The following DCP1A variants were observed in gnomAD, a reference collection of about 807,000 sequenced individuals.
The protein encoded by DCP1A is mRNA-decapping enzyme 1A.
Under a neutral mutation model 58.0 loss-of-function variants are expected in DCP1A, and 20 were observed. The observed-to-expected ratio is 0.34, with a 90% confidence interval of 0.24 to 0.50. The LOEUF (loss-of-function observed/expected upper bound fraction) is 0.50, where lower values mean the gene tolerates loss of function less well. Ranked by LOEUF, DCP1A falls within the 20% of genes least tolerant of loss-of-function variation. The probability of loss-of-function intolerance (pLI) is 0.98; values close to 1 mark genes in which losing one functional copy is unlikely to be tolerated. For synonymous variants in DCP1A, 285 were observed against 275.1 expected (o/e 1.04, Z -0.36); for missense variants, 613 against 712.2 (o/e 0.86, Z 1.59).
chr3:53,284,482 A>C lies in DCP1A; in HGVS notation c.*3098T>G, dbSNP rs1553684845. ...TGCAAAATCTGGTTAGACATATACT[A>C]AACTAAGCCTGTGTGTCCCCCTGTA... On this transcript the variant is annotated 3_prime_UTR_variant, in exon 10 of 10. Transcript: ENST00000610213. The C allele has an allele frequency of 6.6e-6, 1 of 151,576 alleles. No homozygotes were observed. Among genetic ancestry groups the C allele is most frequent in the Non-Finnish European group, 1.5e-5 (1 of 68,010 alleles). The allele number at this position is 151,576 out of a possible 1,614,324, so 9.4% of individuals were successfully genotyped here.
intron 4 of DCP1A, among the ~76,000 whole-genome samples, chr3:53,313,419 CAA>C (rs201356913): frequency 2.3e-4 from 29 of 127,552 alleles, no homozygotes; most frequent in Admixed American, 4.0e-4. Flanking sequence ...ACCTTGACTC[CAA>C]AAAAAAAAAA....
intron 3 of DCP1A, among the ~76,000 whole-genome samples, chr3:53,325,930 G>A (rs1370130995): frequency 6.6e-6 from 1 of 152,168 alleles, no homozygotes. Context: ...AATTATCTTT[G>A]CAGCTTAACC....
At chr3:53,315,629 G>A (rs1053190180) in intron 4 of DCP1A, among the ~76,000 whole-genome samples, 5 of 150,524 alleles carry the variant, frequency 3.3e-5, no homozygotes, top group African/African-American at 4.9e-5. Context: ...TTTCAACTCT[G>A]CCACCACTGA....
At chr3:53,345,982 G>A (rs1185875181) in intron 1 of DCP1A, among the ~76,000 whole-genome samples, 1 of 152,088 alleles carries the variant, frequency 6.6e-6, no homozygotes, top group African/African-American at 2.4e-5. Flanking sequence ...ATAAACAGTA[G>A]CAGCTTATTT....
intron 3 of DCP1A, among the ~76,000 whole-genome samples, chr3:53,340,214 C>A (rs1416089310): frequency 1.3e-5 from 2 of 152,212 alleles, no homozygotes. Context: ...TGTTGAGCCA[C>A]TTTGCCCAGC....
intron 4 of DCP1A, 58 bp downstream of exon 4, chr3:53,319,349 G>C (rs1268271831): frequency 9.3e-7 from 1 of 1,080,172 alleles, no homozygotes. Flanking sequence ...GAAGTGGGAG[G>C]GGATTATTTT....
chr3:53,322,953 G>A (rs372560505), intron 3 of DCP1A, among the ~76,000 whole-genome samples: 3 of 151,422 alleles, frequency 2.0e-5, no homozygotes, highest in Non-Finnish European at 4.4e-5. Context: ...GATTACAGGC[G>A]CCCGGGGATT....
At chr3:53,309,875 A>G (rs1470081358) in intron 5 of DCP1A, among the ~76,000 whole-genome samples, 1 of 152,198 alleles carries the variant, frequency 6.6e-6, no homozygotes, top group East Asian at 1.9e-4. Flanking sequence ...AAATCCCAAC[A>G]CTGAGGCCTA....
At chr3:53,318,321 GTAAAA>G (rs1707870926) in intron 4 of DCP1A, among the ~76,000 whole-genome samples, 1 of 151,892 alleles carries the variant, frequency 6.6e-6, no homozygotes, top group East Asian at 1.9e-4. Context: ...ACCAAATAAA[GTAAAA>G]TAAAATAAAA....
intron 5 of DCP1A, among the ~76,000 whole-genome samples, chr3:53,306,883 A>AT (rs1167345522): frequency 2.2e-5 from 3 of 139,410 alleles, no homozygotes; most frequent in African/African-American, 5.3e-5. Context: ...TTCTTTTGCT[A>AT]TTTTTTTGTA....
intron 4 of DCP1A, among the ~76,000 whole-genome samples, chr3:53,317,754 A>C (rs1253983857): frequency 1.3e-5 from 2 of 152,232 alleles, no homozygotes; most frequent in Non-Finnish European, 2.9e-5. Context: ...TGTTCTAAAA[A>C]CAAAGCGTGG....
chr3:53,308,926 C>T (rs1707558533), intron 5 of DCP1A, among the ~76,000 whole-genome samples: 1 of 152,094 alleles, frequency 6.6e-6, no homozygotes, highest in African/African-American at 2.4e-5. Flanking sequence ...CAAAAATACC[C>T]TGGACTTTAA....
intron 3 of DCP1A, among the ~76,000 whole-genome samples, chr3:53,330,157 A>T (rs2088959430): frequency 6.6e-6 from 1 of 152,202 alleles, no homozygotes; most frequent in Non-Finnish European, 1.5e-5. Context: ...TAAATCATTA[A>T]TTTTTATCAT....
intron 3 of DCP1A, among the ~76,000 whole-genome samples, chr3:53,336,096 G>T (rs1281230383): frequency 6.7e-6 from 1 of 149,462 alleles, no homozygotes; most frequent in Non-Finnish European, 1.5e-5. Flanking sequence ...CACTGTGCCT[G>T]GCAGCATTTT....
rs533188373 is a variant in DCP1A at position 53,290,875 on chromosome 3, A to C, written c.1384-19T>G. 2.5e-6 allele frequency: 4 copies of C among 1,598,636 alleles called. No homozygotes were observed. In the African/African-American group the frequency reaches 4.0e-5, roughly 16 times the overall value. ...GCATAGACTGAAATGTTTATGAAGA[A>C]AAGACAGACGGATATAAGAAGTTTC... On this transcript the variant is annotated intron_variant, in intron 7 of 9. Coordinates refer to ENST00000610213, the MANE Select transcript of DCP1A (RefSeq NM_018403.7).
intron 3 of DCP1A, among the ~76,000 whole-genome samples, chr3:53,337,874 G>A (rs1402021630): frequency 6.6e-6 from 1 of 152,176 alleles, no homozygotes; most frequent in African/African-American, 2.4e-5. Flanking sequence ...AAACTAAAAA[G>A]AAGTGTTCTT....
Position 53,304,088 on chromosome 3 carries a change from C to T in DCP1A, c.624+89G>A, listed in dbSNP as rs542508553. The T allele has an allele frequency of 4.2e-5, 39 of 923,812 alleles. No individual in the cohort carries two copies. The African/African-American group carries it at 5.6e-4, about 13-fold the overall frequency. The allele number at this position is 923,812 out of a possible 1,614,324, so 57.2% of individuals were successfully genotyped here. A position where few individuals can be genotyped will look rare whatever the true frequency, so the allele number is the denominator to read the frequency against. On this transcript the variant is annotated intron_variant, in intron 6 of 9. Transcript: ENST00000610213. Reference sequence around the variant, plus strand: ...GCTGCACATTTGAACCTTGACACAACTGACAAATCAAACTTGCACTCATTA... The same window carrying T: ...GCTGCACATTTGAACCTTGACACAATTGACAAATCAAACTTGCACTCATTA...
intron 4 of DCP1A, among the ~76,000 whole-genome samples, chr3:53,313,419 CA>C (rs201356913): frequency 0.023 from 2,914 of 127,424 alleles, 113 homozygotes; most frequent in South Asian, 0.16. Flanking sequence ...ACCTTGACTC[CA>C]AAAAAAAAAA....
intron 3 of DCP1A, among the ~76,000 whole-genome samples, chr3:53,337,894 T>A (rs1480458792): frequency 4.6e-5 from 7 of 152,348 alleles, no homozygotes; most frequent in African/African-American, 1.7e-4. Context: ...TCATTTGCCC[T>A]AGCCACATTG....
Sources: allele counts gnomAD v4.1 joint callset (sites outside exome capture counted in the v4.1 genomes callset), GRCh38; gene constraint gnomAD v4.1.1; transcripts MANE v1.5; gene names NCBI Gene and HGNC (gene_info 2026-07-23, HGNC 2026-07-21).